CHD9: variants seen among roughly 807,000 people sequenced by gnomAD.
CHD9 encodes the protein ATP-dependent chromatin remodeler CHD9.
Under a neutral mutation model 316.1 loss-of-function variants are expected in CHD9, and 77 were observed. That is an observed-to-expected ratio of 0.24 (90% CI 0.20 to 0.29). The LOEUF (loss-of-function observed/expected upper bound fraction) is 0.29, where lower values mean the gene tolerates loss of function less well. Ranked by LOEUF, CHD9 falls within the 10% of genes least tolerant of loss-of-function variation. The probability of loss-of-function intolerance (pLI) is 1.00; values close to 1 mark genes in which losing one functional copy is unlikely to be tolerated. For missense variants in CHD9, 2,763 were observed against 3,438.1 expected, an observed-to-expected ratio of 0.80 and a Z score of 4.91; for synonymous variants, 1,129 against 1,158.3, an observed-to-expected ratio of 0.97 and a Z score of 0.51.
At chr16:53,102,681 C>T (rs185003531) in intron 1 of CHD9, among the ~76,000 whole-genome samples, 1 of 147,116 alleles carries the variant, frequency 6.8e-6, no homozygotes, top group African/African-American at 2.5e-5. Context: ...AAGACTCCAT[C>T]TCTGCAAAAA....
chr16:53,235,002 T>G (rs2048501733), intron 10 of CHD9, 183 bp from the exon 11 acceptor site: 1 of 433,820 alleles, frequency 2.3e-6, no homozygotes, highest in African/African-American at 2.0e-5. Context: ...GAAATATACC[T>G]TCCTCTTCAG....
chr16:53,244,541 G>A (rs2049398938), intron 13 of CHD9, among the ~76,000 whole-genome samples: 1 of 152,072 alleles, frequency 6.6e-6, no homozygotes, highest in South Asian at 2.1e-4. Flanking sequence ...TAACCTCAGT[G>A]ATTTGATAAT....
chr16:53,253,212 G>A (rs533713145), intron 17 of CHD9, among the ~76,000 whole-genome samples: 68 of 141,552 alleles, frequency 4.8e-4, no homozygotes, highest in Admixed American at 3.1e-3. Flanking sequence ...TGTGTGGTGT[G>A]TATATATGTG....
At chr16:53,114,607 A>G (rs970262174) in intron 1 of CHD9, among the ~76,000 whole-genome samples, 1 of 147,864 alleles carries the variant, frequency 6.8e-6, no homozygotes, top group African/African-American at 2.5e-5. Flanking sequence ...TTATTTTTTG[A>G]GACGGAGTCT....
chr16:53,320,198 T>TAAAA (rs558919362), intron 37 of CHD9, among the ~76,000 whole-genome samples: 1 of 126,928 alleles, frequency 7.9e-6, no homozygotes, highest in East Asian at 2.3e-4. Flanking sequence ...TGAGTCTCTT[T>TAAAA]AAAAAAAAAA....
chr16:53,243,151 G>C lies in CHD9; in HGVS notation c.3054+135G>C, dbSNP rs141825635. ...TCTGAATCTTATCTGTGATAATTGA[G>C]ATTTTTTGGGGGGCCTTAATTTGTA... is the stretch of plus-strand genomic sequence containing the variant. On this transcript the variant is annotated intron_variant, in intron 13 of 38. Coordinates refer to ENST00000447540, the MANE Select transcript of CHD9 (RefSeq NM_001308319.2). 1.1e-3 allele frequency: 597 copies of C among 564,780 alleles called. 7 individuals are homozygous for C. The African/African-American group carries it at 0.011, about 10-fold the overall frequency. The allele number at this position is 564,780 out of a possible 1,614,324, so 35.0% of individuals were successfully genotyped here. A position where few individuals can be genotyped will look rare whatever the true frequency, so the allele number is the denominator to read the frequency against.
intron 15 of CHD9, among the ~76,000 whole-genome samples, chr16:53,246,304 C>A (rs34094415): frequency 1.3e-5 from 2 of 152,114 alleles, no homozygotes. Context: ...TGGGAATATA[C>A]GCCTCTCTAC....
At chr16:53,122,520 T>C (rs1597056283) in intron 1 of CHD9, among the ~76,000 whole-genome samples, 1 of 151,680 alleles carries the variant, frequency 6.6e-6, no homozygotes, top group Admixed American at 6.6e-5. Flanking sequence ...TGTAACAAAG[T>C]TGGAAATTGC....
rs1371622330 is a variant in CHD9, at chr16:53,304,176, A to C, written c.6170A>C (p.Gln2057Pro). The C allele has an allele frequency of 1.2e-6, 2 of 1,612,314 alleles. No homozygotes were observed. The highest frequency in any genetic ancestry group is 2.2e-5 in the East Asian group (1 of 44,858). ...VKSENLKEEP[Q>P]SSEEESMSSV... ...AGTGAAAACCTTAAAGAGGAGCCTCAGTCTTCTGAAGAAGAATCTATGTCT... is the reference window on the plus strand; with the variant it reads ...AGTGAAAACCTTAAAGAGGAGCCTCCGTCTTCTGAAGAAGAATCTATGTCT... The change falls in exon 31 of 39, where the codon CAG becomes CCG. Residue 2057 changes from glutamine (Q) to proline (P), a missense_variant. Coordinates refer to ENST00000447540, the MANE Select transcript of CHD9 (RefSeq NM_001308319.2).
chr16:53,139,047 TGAGGTAAAG>T (rs2039912565), intron 1 of CHD9, among the ~76,000 whole-genome samples: 1 of 152,172 alleles, frequency 6.6e-6, no homozygotes, highest in African/African-American at 2.4e-5. Context: ...ATTTTTTTTT[TGAGGTAAAG>T]GATCTATCTT....
At chr16:53,211,663 A>T (rs2046344289) in intron 3 of CHD9, among the ~76,000 whole-genome samples, 1 of 152,226 alleles carries the variant, frequency 6.6e-6, no homozygotes, top group Admixed American at 6.5e-5. Flanking sequence ...AGAATTTATA[A>T]GTCGCAGGCA....
intron 22 of CHD9, among the ~76,000 whole-genome samples, 157 bp from the exon 23 acceptor site, chr16:53,273,469 A>G (rs1176907625): frequency 6.6e-6 from 1 of 152,172 alleles, no homozygotes; most frequent in East Asian, 1.9e-4. Flanking sequence ...TAAAACCATC[A>G]TCTTGATTTG....
chr16:53,300,974 G>A (rs1288541278), intron 30 of CHD9, among the ~76,000 whole-genome samples: 5 of 152,248 alleles, frequency 3.3e-5, no homozygotes, highest in East Asian at 1.9e-4. Flanking sequence ...TCAGAAGGTC[G>A]AGGCACGAGA....
intron 1 of CHD9, among the ~76,000 whole-genome samples, chr16:53,078,840 A>G (rs2034776507): frequency 6.6e-6 from 1 of 152,088 alleles, no homozygotes; most frequent in Admixed American, 6.5e-5. Context: ...GCAAGATAAC[A>G]TTGTGCTTTG....
intron 12 of CHD9, among the ~76,000 whole-genome samples, chr16:53,239,199 C>T (rs1474123881): frequency 6.6e-6 from 1 of 152,076 alleles, no homozygotes; most frequent in East Asian, 1.9e-4. Flanking sequence ...TGACCACTTA[C>T]TCTTTAGGAA....
Position 53,131,191 on chromosome 16 carries a change from C to T in CHD9, c.-164-24735C>T, listed in dbSNP as rs866906324. On this transcript the variant is annotated intron_variant, in intron 1 of 38. Coordinates refer to ENST00000447540, the MANE Select transcript of CHD9 (RefSeq NM_001308319.2). ...GGGCGGGTCGTGTCAGACGGGTGGTCGCCTGAGGCCGCCCCCGCCCGGCCA... is the reference window on the plus strand; with the variant it reads ...GGGCGGGTCGTGTCAGACGGGTGGTTGCCTGAGGCCGCCCCCGCCCGGCCA... 581 of 149,428 alleles carry T rather than the reference C, an allele frequency of 3.9e-3. 1 individual carries two copies. The highest frequency in any genetic ancestry group is 0.036 in the Middle Eastern group (10 of 274). The allele number at this position is 149,428 out of a possible 1,614,324, so 9.3% of individuals were successfully genotyped here. A position where few individuals can be genotyped will look rare whatever the true frequency, so the allele number is the denominator to read the frequency against.
intron 10 of CHD9, 76 bp downstream of exon 10, chr16:53,231,860 A>G (rs747059142): frequency 1.4e-4 from 180 of 1,296,916 alleles, no homozygotes; most frequent in Non-Finnish European, 1.8e-4. Context: ...TAATAATTAT[A>G]TAATGTTTTA....
chr16:53,130,796 A>C (rs2039207765), intron 1 of CHD9: 1 of 151,564 alleles, frequency 6.6e-6, no homozygotes, highest in Non-Finnish European at 1.5e-5. Context: ...AGGCAGCCCG[A>C]CGCGGCTGGA....
intron 10 of CHD9, among the ~76,000 whole-genome samples, chr16:53,233,096 C>T (rs982729788): frequency 2.6e-5 from 4 of 152,158 alleles, no homozygotes; most frequent in Non-Finnish European, 2.9e-5. Flanking sequence ...TCACCATCTA[C>T]CCAGATATAG....
Sources: gnomAD v4.1 joint callset for allele counts (sites outside exome capture counted in the v4.1 genomes callset) on GRCh38, gnomAD v4.1.1 for gene constraint, MANE v1.5 for transcripts, NCBI Gene and HGNC (gene_info 2026-07-23, HGNC 2026-07-21) for gene names.